Variants in SLC22A25 observed in about 807,000 individuals in gnomAD.
The protein encoded by SLC22A25 is MGI:2442751, MGI:2385316, MGI:3042283, MGI:3645714, MGI:3605624, MGI:2442750.
A neutral mutation model predicts 45.9 loss-of-function variants in SLC22A25; 44 were observed. The ratio of observed to expected loss-of-function variants is 0.96; its 90% CI spans 0.75 to 1.23. The LOEUF is 1.23. Ranked by LOEUF, SLC22A25 falls within the 50% of genes most tolerant of loss-of-function variation. The pLI is 0.00. For synonymous variants in SLC22A25, 283 were observed against 238.6 expected, an observed-to-expected ratio of 1.19 and a Z score of -1.72; for missense variants, 800 against 666.4, an observed-to-expected ratio of 1.20 and a Z score of -2.21.
chr11:63,177,002 A>G (rs1382565695), intron 9 of SLC22A25, among the ~76,000 whole-genome samples: 1 of 151,956 alleles, frequency 6.6e-6, no homozygotes, highest in African/African-American at 2.4e-5. Context: ...TTCATTTTTG[A>G]AGGCCAGTTT....
intron 7 of SLC22A25, among the ~76,000 whole-genome samples, chr11:63,196,831 T>A (rs144683973): frequency 2.1e-4 from 32 of 152,308 alleles, no homozygotes; most frequent in Admixed American, 9.8e-4. Context: ...TGTTTGCAGA[T>A]GACATGATTG....
At chr11:63,180,820 T>C (rs557074035) in intron 8 of SLC22A25, 45 bp from the exon 9 acceptor site, 272 of 1,413,654 alleles carry the variant, frequency 1.9e-4, no homozygotes, top group Middle Eastern at 5.3e-4. Flanking sequence ...TGTCACAAAA[T>C]GGTAGGCATT....
intron 7 of SLC22A25, among the ~76,000 whole-genome samples, chr11:63,211,884 T>A (rs1238688125): frequency 5.8e-4 from 85 of 147,624 alleles, no homozygotes; most frequent in South Asian, 1.7e-3. Flanking sequence ...ACAGGCAACC[T>A]ACAGAATGGG....
chr11:63,186,869 A>C (rs2088573451), intron 7 of SLC22A25, among the ~76,000 whole-genome samples: 2 of 151,920 alleles, frequency 1.3e-5, no homozygotes, highest in African/African-American at 2.4e-5. Context: ...ATGTGGCATT[A>C]TTTCTGAGGG....
intron 5 of SLC22A25, among the ~76,000 whole-genome samples, chr11:63,223,351 G>A (rs1565119204): frequency 1.3e-5 from 2 of 151,908 alleles, no homozygotes; most frequent in Non-Finnish European, 2.9e-5. Context: ...TTCAATCTTG[G>A]TAGGTTGTAT....
chr11:63,185,418 G>A (rs1262498647), intron 7 of SLC22A25, among the ~76,000 whole-genome samples: 2 of 151,920 alleles, frequency 1.3e-5, no homozygotes, highest in Non-Finnish European at 2.9e-5. Context: ...ATAGTTTGCT[G>A]AGAATGATGG....
intron 8 of SLC22A25, among the ~76,000 whole-genome samples, chr11:63,182,227 C>T (rs1431860992): frequency 1.3e-5 from 2 of 152,120 alleles, no homozygotes; most frequent in Admixed American, 1.3e-4. Flanking sequence ...CACTGGCCTT[C>T]CTCTGGGTGC....
At chr11:63,221,782 A>C (rs1368276566) in intron 5 of SLC22A25, among the ~76,000 whole-genome samples, 1 of 151,996 alleles carries the variant, frequency 6.6e-6, no homozygotes, top group East Asian at 1.9e-4. Context: ...TTAAATTTTT[A>C]ATTCATTTTG....
chr11:63,166,789 T>C (rs1388881510), intron 9 of SLC22A25: 1 of 984,444 alleles, frequency 1.0e-6, no homozygotes, highest in Middle Eastern at 5.2e-4. Context: ...TAGATTAGAA[T>C]AAGAAAACCT....
chr11:63,163,657 G>T lies in SLC22A25; in HGVS notation c.*167C>A. ...ATTAACCTCCTGGACAGGCTGGGCA[G>T]AGATGGTCTGTGTGATCTAGTGAGG... On this transcript the variant is annotated 3_prime_UTR_variant, in exon 12 of 12. Transcript: ENST00000306494. 9.9e-7 allele frequency: 1 copy of T among 1,011,636 alleles called. No individual in the cohort carries two copies. The highest frequency in any genetic ancestry group is 1.4e-6 in the Non-Finnish European group (1 of 719,464). The allele number at this position is 1,011,636 out of a possible 1,614,324, so 62.7% of individuals were successfully genotyped here.
intron 3 of SLC22A25, 53 bp downstream of exon 3, chr11:63,237,828 C>T (rs1241257724): frequency 6.6e-6 from 1 of 152,062 alleles, no homozygotes; most frequent in Non-Finnish European, 1.5e-5. Flanking sequence ...GTGTGATTTG[C>T]AATAAATATT....
rs775200031 is a variant in SLC22A25, at chr11:63,183,785, A to C, written c.863T>G (p.Ile288Ser). Residue 288 changes from isoleucine to serine, a missense_variant, in exon 8 of 12, where the codon ATC (isoleucine) becomes AGC (serine). By Grantham distance (142) the Ile-to-Ser change is moderately radical. Coordinates refer to ENST00000306494, the MANE Select transcript of SLC22A25 (RefSeq NM_199352.6). ...WLAESARWLI[I>S]NNKPEEGLKE... ...TAAGCCCTCTTCTGGTTTGTTGTTG[A>C]TAATGAGCCACCGAGCAGACTCTGC... The C allele has an allele frequency of 6.2e-7, 1 of 1,613,118 alleles. No individual in the cohort carries two copies. The highest frequency in any genetic ancestry group is 8.5e-7 in the Non-Finnish European group (1 of 1,179,364).
intron 7 of SLC22A25, among the ~76,000 whole-genome samples, chr11:63,199,378 C>G (rs2089166039): frequency 6.6e-6 from 1 of 152,076 alleles, no homozygotes; most frequent in Non-Finnish European, 1.5e-5. Context: ...CCGAACAGAC[C>G]AATAACAAGC....
intron 7 of SLC22A25, among the ~76,000 whole-genome samples, chr11:63,195,977 C>G (rs935332226): frequency 5.3e-5 from 8 of 152,186 alleles, no homozygotes; most frequent in Non-Finnish European, 1.2e-4. Flanking sequence ...ATAAACACCT[C>G]TATGCAAATA....
chr11:63,190,443 C>A (rs774056107), intron 7 of SLC22A25, among the ~76,000 whole-genome samples: 3 of 152,028 alleles, frequency 2.0e-5, no homozygotes, highest in South Asian at 2.1e-4. Context: ...GTTAGCCATT[C>A]GTCTAATTTT....
intron 5 of SLC22A25, among the ~76,000 whole-genome samples, chr11:63,226,773 A>G (rs1175131420): frequency 1.3e-5 from 2 of 152,220 alleles, no homozygotes; most frequent in South Asian, 2.1e-4. Flanking sequence ...GAGATGCTGT[A>G]CAGGAGCCTG....
chr11:63,172,561 C>T (rs1460159786), intron 9 of SLC22A25, among the ~76,000 whole-genome samples: 1 of 151,406 alleles, frequency 6.6e-6, no homozygotes, highest in Non-Finnish European at 1.5e-5. Context: ...GGTCATCAGA[C>T]AAATGCAAAT....
chr11:63,166,905 G>A, intron 9 of SLC22A25: 1 of 976,078 alleles, frequency 1.0e-6, no homozygotes, highest in Non-Finnish European at 1.2e-6. Context: ...CGAATAGGAA[G>A]AGCTCTGGTC....
At chr11:63,165,272 G>C (rs1489553062) in intron 10 of SLC22A25, among the ~76,000 whole-genome samples, 1 of 148,980 alleles carries the variant, frequency 6.7e-6, no homozygotes. Flanking sequence ...TCATGTCATT[G>C]GAGTGGGTTC....
Sources: allele counts gnomAD v4.1 joint callset (sites outside exome capture counted in the v4.1 genomes callset), GRCh38; gene constraint gnomAD v4.1.1; transcripts MANE v1.5; gene names NCBI Gene and HGNC (gene_info 2026-07-23, HGNC 2026-07-21).